Variants in DNAJB1 observed in about 807,000 individuals in gnomAD.
DNAJB1 encodes the protein DnaJ heat shock protein family (Hsp40) member B1.
A neutral mutation model predicts 24.0 loss-of-function variants in DNAJB1; 14 were observed. The observed-to-expected ratio is 0.58, with a 90% CI of 0.39 to 0.91. The LOEUF (loss-of-function observed/expected upper bound fraction) is 0.91. Among genes scored for constraint, DNAJB1 ranks in the 40% least tolerant of loss-of-function variants. DNAJB1 has a pLI of 0.00. For missense variants in DNAJB1, 517 were observed against 458.1 expected (o/e 1.13, Z -1.17); for synonymous variants, 262 against 174.4 (o/e 1.50, Z -3.96).
upstream of DNAJB1, chr19:14,529,763 CCTT>C (rs780192280): frequency 1.2e-6 from 2 of 1,613,456 alleles, no homozygotes; most frequent in Non-Finnish European, 1.7e-6. Context: ...CATTCTTTTT[CCTT>C]CTTTGCGGGA....
intron 1 of DNAJB1, among the ~76,000 whole-genome samples, chr19:14,546,941 C>CT (rs1568410277): frequency 6.6e-6 from 1 of 152,152 alleles, no homozygotes; most frequent in Non-Finnish European, 1.5e-5. Context: ...CTGATCTGCC[C>CT]GCCTTGGCCT....
intron 1 of DNAJB1, among the ~76,000 whole-genome samples, chr19:14,557,817 G>A (rs1360423381): frequency 1.3e-5 from 2 of 151,332 alleles, no homozygotes; most frequent in East Asian, 1.9e-4. Context: ...GTGCAGTGGC[G>A]CGATCTCGGT....
At chr19:14,552,172 CT>C (rs536176918), upstream of DNAJB1, among the ~76,000 whole-genome samples, 2,872 of 133,350 alleles carry the variant, frequency 0.022, 49 homozygotes, top group Admixed American at 0.047. Context: ...TTTCTTTTTT[CT>C]TTTTTTTTTT....
At position 14,545,480 on chromosome 19, in the gene DNAJB1, T is replaced by C. The variant is rs997568423; in HGVS notation, c.-214+4728A>G. Reference sequence around the variant, plus strand: ...TATTATGTAATAGGTGCTTTGTTCATGTCCCCTTGAGCACCAGCAAGCCTA... The same window carrying C: ...TATTATGTAATAGGTGCTTTGTTCACGTCCCCTTGAGCACCAGCAAGCCTA... On this transcript the variant is annotated intron_variant, in intron 1 of 3. Transcript: ENST00000676982. Among the ~76,000 whole-genome samples the C allele has an allele frequency of 3.3e-5, 5 of 152,220 alleles. No homozygotes were observed. The South Asian group carries it at 1.0e-3, about 32-fold the overall frequency.
At chr19:14,550,986 T>C (rs2073481132), upstream of DNAJB1, among the ~76,000 whole-genome samples, 1 of 151,662 alleles carries the variant, frequency 6.6e-6, no homozygotes, top group African/African-American at 2.4e-5. Flanking sequence ...CTTTTACTTA[T>C]GAGGACACTC....
At chr19:14,544,391 G>A (rs1270374459) in intron 1 of DNAJB1, among the ~76,000 whole-genome samples, 4 of 151,984 alleles carry the variant, frequency 2.6e-5, no homozygotes, top group African/African-American at 9.7e-5. Flanking sequence ...ACTGTCTTAC[G>A]GAGCACACAG....
chr19:14,547,933 C>G (rs1361912204), intron 1 of DNAJB1, among the ~76,000 whole-genome samples: 1 of 151,432 alleles, frequency 6.6e-6, no homozygotes, highest in Non-Finnish European at 1.5e-5. Context: ...GCCTTGGCCT[C>G]CCAACCATGT....
chr19:14,522,629 T>C (rs551317259), upstream of DNAJB1, among the ~76,000 whole-genome samples: 5 of 150,886 alleles, frequency 3.3e-5, no homozygotes, highest in Non-Finnish European at 5.9e-5. Context: ...CCCACAAGCA[T>C]GTAAGCCAAT....
chr19:14,528,585 G>A (rs779392640), intron 1 of DNAJB1, among the ~76,000 whole-genome samples: 1 of 152,066 alleles, frequency 6.6e-6, no homozygotes, highest in Non-Finnish European at 1.5e-5. Flanking sequence ...GGAGCCACTA[G>A]ACACGATTCT....
At chr19:14,521,670 G>A (rs909938954), upstream of DNAJB1, among the ~76,000 whole-genome samples, 12 of 152,062 alleles carry the variant, frequency 7.9e-5, no homozygotes, top group Non-Finnish European at 1.6e-4. Context: ...AGCCCAGGCT[G>A]GAGTGCAGTG....
chr19:14,546,746 G>T (rs182993461), intron 1 of DNAJB1, among the ~76,000 whole-genome samples: 113 of 151,836 alleles, frequency 7.4e-4, no homozygotes, highest in Admixed American at 9.8e-4. Context: ...GTGCCGTGTC[G>T]CGATCTTGGC....
At chr19:14,557,593 A>G (rs1186674051) in intron 1 of DNAJB1, among the ~76,000 whole-genome samples, 1 of 150,818 alleles carries the variant, frequency 6.6e-6, no homozygotes, top group Non-Finnish European at 1.5e-5. Flanking sequence ...CTGGGATTAC[A>G]GGCATGCACC....
chr19:14,533,680 T>C (rs114165001), upstream of DNAJB1, among the ~76,000 whole-genome samples: 209 of 150,584 alleles, frequency 1.4e-3, no homozygotes, highest in African/African-American at 4.9e-3. Flanking sequence ...GTTTCCATAG[T>C]AGCCTCATAT....
intron 1 of DNAJB1, among the ~76,000 whole-genome samples, chr19:14,535,571 T>A (rs1166570931): frequency 2.7e-4 from 7 of 25,916 alleles, no homozygotes; most frequent in Non-Finnish European, 5.7e-4. Context: ...TATATATATA[T>A]ATATATATAT....
chr19:14,516,670 G>GCT lies in DNAJB1; in HGVS notation c.586_587dup (p.Ser196ArgfsTer10). ...TCAATATTTTGTCTTCGTTTCGAATGCTCTTTCCGTCGGGGTTTAGCCGCT... is the reference window on the plus strand; with the variant it reads ...TCAATATTTTGTCTTCGTTTCGAATGCTCTCTTTCCGTCGGGGTTTAGCCGCT... On this transcript the variant is annotated frameshift_variant, in exon 2 of 3. Coordinates refer to ENST00000254322, the MANE Select transcript of DNAJB1 (RefSeq NM_006145.3). LOFTEE classifies it high-confidence loss of function. 6.2e-7 allele frequency: 1 copy of GCT among 1,614,064 alleles called. No homozygotes were observed. The highest frequency in any genetic ancestry group is 8.5e-7 in the Non-Finnish European group (1 of 1,179,954).
intron 1 of DNAJB1, among the ~76,000 whole-genome samples, chr19:14,538,406 A>G (rs1459246630): frequency 1.3e-5 from 2 of 152,206 alleles, no homozygotes; most frequent in Non-Finnish European, 2.9e-5. Context: ...CGCGGCCCAC[A>G]GGCAGGGTAA....
At chr19:14,517,835 C>G (rs2072300626) in intron 1 of DNAJB1, 1 of 298,126 alleles carries the variant, frequency 3.4e-6, no homozygotes, top group Admixed American at 5.2e-5. Flanking sequence ...TCCCCGTCGT[C>G]ACCCCCGGCT....
At chr19:14,553,080 T>C (rs1396348309), upstream of DNAJB1, among the ~76,000 whole-genome samples, 1 of 151,986 alleles carries the variant, frequency 6.6e-6, no homozygotes, top group African/African-American at 2.4e-5. Flanking sequence ...AACTTCCCAC[T>C]GTGTTTGTCT....
At chr19:14,541,668 C>T (rs987267613) in intron 1 of DNAJB1, among the ~76,000 whole-genome samples, 1 of 152,082 alleles carries the variant, frequency 6.6e-6, no homozygotes. Flanking sequence ...CAGAGGGAAC[C>T]GAGTGGTGTG....
Sources: gnomAD v4.1 joint callset for allele counts (sites outside exome capture counted in the v4.1 genomes callset) on GRCh38, gnomAD v4.1.1 for gene constraint, MANE v1.5 for transcripts, NCBI Gene and HGNC (gene_info 2026-07-23, HGNC 2026-07-21) for gene names.